The following GGT7 variants were observed in gnomAD, a reference collection of about 807,000 sequenced individuals.
The protein encoded by GGT7 is gamma-glutamyltransferase 7, also known as glutathione hydrolase 7.
In GGT7, 30 loss-of-function variants were observed where a neutral mutation model predicts 69.2. The observed-to-expected ratio is 0.43, with a 90% confidence interval of 0.32 to 0.59. The LOEUF (loss-of-function observed/expected upper bound fraction) is 0.59. Ranked by LOEUF, GGT7 falls within the 20% of genes least tolerant of loss-of-function variation. The pLI is 0.05. For synonymous variants in GGT7, 388 were observed against 391.8 expected (o/e 0.99, Z 0.12); for missense variants, 733 against 901.1 (o/e 0.81, Z 2.39).
chr20:34,863,564 C>A lies in GGT7; in HGVS notation c.170-16G>T. ...GAGTCCGGGTCTGCGGGCAGGCAGC[C>A]GGGGTCGGTCTGGGCATCTCCTATC... is the stretch of plus-strand genomic sequence containing the variant. On this transcript the variant is annotated splice_polypyrimidine_tract_variant and intron_variant, in intron 1 of 14. Coordinates refer to ENST00000336431, the MANE Select transcript of GGT7 (RefSeq NM_178026.3). The surrounding 1 kb of genome is among the most constrained non-coding windows in gnomAD (Gnocchi z 4.4). The A allele has an allele frequency of 6.5e-7, 1 of 1,532,182 alleles. No homozygotes were observed. Among genetic ancestry groups the A allele is most frequent in the Non-Finnish European group, 8.9e-7 (1 of 1,129,822 alleles). The allele number at this position is 1,532,182 out of a possible 1,614,324, so 94.9% of individuals were successfully genotyped here. A position where few individuals can be genotyped will look rare whatever the true frequency, so the allele number is the denominator to read the frequency against.
In GGT7 at chr20:34,849,970, G is replaced by A; in HGVS notation, c.1816C>T (p.Gln606Ter). The part of the protein sequence containing the change: ...LHPDLQSNLL[Q>*]VDSEFTEEEI... Reference sequence around the variant, plus strand: ...TCTGCTCTGCACTCACTGTCCACCTGCAGGAGGTTGGACTGCAGGTCCGGG... The same window carrying A: ...TCTGCTCTGCACTCACTGTCCACCTACAGGAGGTTGGACTGCAGGTCCGGG... Residue 606 changes from glutamine (Q) to a stop codon, truncating the protein, a stop_gained, in exon 14 of 15, where the codon CAG (glutamine) becomes TAG (stop). Coordinates refer to ENST00000336431, the MANE Select transcript of GGT7 (RefSeq NM_178026.3). LOFTEE classifies it high-confidence loss of function. 2 of 1,605,318 alleles carry A rather than the reference G, an allele frequency of 1.2e-6. No individual in the cohort carries two copies. The highest frequency in any genetic ancestry group is 1.1e-5 in the South Asian group (1 of 90,900).
chr20:34,845,470 A>G lies in GGT7; in HGVS notation c.1847T>C (p.Ile616Thr), dbSNP rs754986901. The G allele has an allele frequency of 6.8e-6, 11 of 1,613,894 alleles. No homozygotes were observed. The highest frequency in any genetic ancestry group is 6.6e-5 in the South Asian group (6 of 91,050). Residue 616 changes from isoleucine to threonine, a missense_variant, in exon 15 of 15, where the codon ATT (isoleucine) becomes ACT (threonine). Transcript: ENST00000336431. ...QVDSEFTEEE[I>T]EFLEARGHHV... ...GTGACCCCTGGCTTCCAGGAACTCA[A>G]TCTCTTCCTCTGTGAACTCACCTGA...
chr20:34,865,281 C>T (rs1163317197), intron 1 of GGT7, among the ~76,000 whole-genome samples: 2 of 152,176 alleles, frequency 1.3e-5, no homozygotes, highest in African/African-American at 2.4e-5. Context: ...GCCTCCCAGG[C>T]TCAAGCCATC....
intron 14 of GGT7, among the ~76,000 whole-genome samples, chr20:34,847,903 C>T (rs545143571): frequency 6.6e-6 from 1 of 152,226 alleles, no homozygotes; most frequent in Non-Finnish European, 1.5e-5. Context: ...ACTAGCCTGG[C>T]CAGCATGGTG....
In GGT7 at chr20:34,845,101, G is replaced by A. The variant is rs934963913; in HGVS notation, c.*227C>T. ...GTCCTGCCTGCCTGGCTGTACTGTA[G>A]ATGCTGACACTCACCACCACCACCA... On this transcript the variant is annotated 3_prime_UTR_variant, in exon 15 of 15. Transcript: ENST00000336431. 1 of 538,702 alleles carries A rather than the reference G, an allele frequency of 1.9e-6. No individual in the cohort carries two copies. Among genetic ancestry groups the A allele is most frequent in the African/African-American group, 1.9e-5 (1 of 51,428 alleles). 33.4% of individuals were successfully genotyped at this position (538,702 alleles called of 1,614,324 possible).
At chr20:34,862,583 TAA>T (rs113536080) in intron 3 of GGT7, among the ~76,000 whole-genome samples, 53 of 126,714 alleles carry the variant, frequency 4.2e-4, no homozygotes, top group Admixed American at 5.6e-4. Context: ...TTTTTCTAGT[TAA>T]AAAAAAAAAA....
At chr20:34,860,637 C>CTTTTTTGTTTTT (rs2079577391) in intron 4 of GGT7, among the ~76,000 whole-genome samples, 2 of 113,890 alleles carry the variant, frequency 1.8e-5, no homozygotes, top group African/African-American at 6.5e-5. Flanking sequence ...CAACCCCTGC[C>CTTTTTTGTTTTT]TTTTTTTTTT....
chr20:34,860,430 G>C, intron 4 of GGT7, 109 bp from the exon 5 acceptor site: 1 of 825,622 alleles, frequency 1.2e-6, no homozygotes, highest in Non-Finnish European at 2.1e-6. Flanking sequence ...ACAGGGGAGA[G>C]ACACAGGCCA....
chr20:34,851,238 A>T lies in GGT7; in HGVS notation c.1718T>A (p.Leu573Gln). 1 of 1,613,368 alleles carries T rather than the reference A, an allele frequency of 6.2e-7. No homozygotes were observed. The highest frequency in any genetic ancestry group is 8.5e-7 in the Non-Finnish European group (1 of 1,179,964). The change falls in exon 13 of 15, where the codon CTG (leucine) becomes CAG (glutamine). Residue 573 changes from leucine to glutamine, a missense_variant. By Grantham distance (113) the Leu-to-Gln change is moderately radical. Transcript: ENST00000336431. ...ANGAARGLSG[L>Q]TQVLLNVLTL... ...CCATGGCGTAAACCTCACCTGTGTC[A>T]GGCCGCTGAGGCCCCGCGCAGCTCC...
chr20:34,860,553 T>C (rs2079575556), intron 4 of GGT7, among the ~76,000 whole-genome samples: 1 of 151,610 alleles, frequency 6.6e-6, no homozygotes, highest in African/African-American at 2.4e-5. Flanking sequence ...GGGGGATTTA[T>C]AAATTAAGCA....
Position 34,862,807 on chromosome 20 carries a change from T to C in GGT7, c.557+7A>G, listed in dbSNP as rs746341747. 6.2e-7 allele frequency: 1 copy of C among 1,613,698 alleles called. No homozygotes were observed. The highest frequency in any genetic ancestry group is 8.5e-7 in the Non-Finnish European group (1 of 1,179,904). ...CCTGGGGGACCCCGACCTCCACTGC[T>C]CCTTACCCGCCCAGGCCAGAACTGT... On this transcript the variant is annotated splice_region_variant and intron_variant, in intron 3 of 14. Transcript: ENST00000336431.
At chr20:34,854,391 G>T in intron 10 of GGT7, 140 bp downstream of exon 10, 1 of 612,110 alleles carries the variant, frequency 1.6e-6, no homozygotes, top group Non-Finnish European at 2.9e-6. Flanking sequence ...GAGGCACCCA[G>T]TGTCACGTTG....
At position 34,844,998 on chromosome 20, in the gene GGT7, A is replaced by C. The variant is rs1288053594; in HGVS notation, c.*330T>G. 3.2e-6 allele frequency: 1 copy of C among 313,546 alleles called. No individual in the cohort carries two copies. Among genetic ancestry groups the C allele is most frequent in the African/African-American group, 2.1e-5 (1 of 47,026 alleles). 19.4% of individuals were successfully genotyped at this position (313,546 alleles called of 1,614,324 possible). A position where few individuals can be genotyped will look rare whatever the true frequency, so the allele number is the denominator to read the frequency against. ...TGTGAGACCCTTGAGAAGGGTTTGC[A>C]AGCACATCCCTAAGCTCGGGGCCAG... On this transcript the variant is annotated 3_prime_UTR_variant, in exon 15 of 15. Transcript: ENST00000336431.
chr20:34,856,873 G>T lies in GGT7; in HGVS notation c.1035C>A (p.Val345=). 1 of 1,609,404 alleles carries T rather than the reference G, an allele frequency of 6.2e-7. No individual in the cohort carries two copies. Among genetic ancestry groups the T allele is most frequent in the Non-Finnish European group, 8.5e-7 (1 of 1,175,938 alleles). The change falls in exon 8 of 15, where the codon GTC becomes GTA. Residue 345 remains valine, a synonymous_variant. Transcript: ENST00000336431. The stretch of plus-strand genomic sequence containing the variant: ...AATTGCTGAAGTCCTCTTCGGTTAT[G>T]ACACCCCCTGCGTGCTGAGCCTGGA... ...MVAEAQHAGG[V]ITEEDFSNYS...
chr20:34,858,290 G>GAGAGAA (rs1182947015), intron 7 of GGT7, among the ~76,000 whole-genome samples: 2 of 152,204 alleles, frequency 1.3e-5, no homozygotes, highest in South Asian at 4.1e-4. Flanking sequence ...AGTTGAGAGA[G>GAGAGAA]AGAGAAAGAG....
chr20:34,872,769 T>C lies in GGT7; in HGVS notation c.47A>G (p.Tyr16Cys), dbSNP rs774613710. 1 of 1,441,844 alleles carries C rather than the reference T, an allele frequency of 6.9e-7. No individual in the cohort carries two copies. The highest frequency in any genetic ancestry group is 9.1e-7 in the Non-Finnish European group (1 of 1,093,598). 89.3% of individuals were successfully genotyped at this position (1,441,844 alleles called of 1,614,324 possible). A position where few individuals can be genotyped will look rare whatever the true frequency, so the allele number is the denominator to read the frequency against. The change falls in exon 1 of 15, where the codon TAC (tyrosine) becomes TGC (cysteine). Residue 16 changes from tyrosine to cysteine, a missense_variant. Tyr to Cys is a radical substitution (Grantham distance 194). Coordinates refer to ENST00000336431, the MANE Select transcript of GGT7 (RefSeq NM_178026.3). ...GATGCTCATGTAGTCCACTGGCGAG[T>C]AGGCGCCCAGGGCGCTCTCCTGGCT... ...EASQESALGA[Y>C]SPVDYMSITS...
chr20:34,866,197 C>T (rs1462352067), intron 1 of GGT7, among the ~76,000 whole-genome samples: 1 of 152,128 alleles, frequency 6.6e-6, no homozygotes, highest in Non-Finnish European at 1.5e-5. Context: ...AGAAGTTACT[C>T]TTGGGAAAGG....
chr20:34,844,787 C>G lies in GGT7; in HGVS notation c.*541G>C, dbSNP rs2079272239. The G allele has an allele frequency of 1.3e-5, 2 of 153,458 alleles. No homozygotes were observed. Among genetic ancestry groups the G allele is most frequent in the African/African-American group, 4.8e-5 (2 of 41,340 alleles). The allele number at this position is 153,458 out of a possible 1,614,324, so 9.5% of individuals were successfully genotyped here. On this transcript the variant is annotated 3_prime_UTR_variant, in exon 15 of 15. Coordinates refer to ENST00000336431, the MANE Select transcript of GGT7 (RefSeq NM_178026.3). ...CCCCTGAGCTGGTGCCCACCCCCACCCCTACCCCATACCCTGGGGACCCCC... is the reference window on the plus strand; with the variant it reads ...CCCCTGAGCTGGTGCCCACCCCCACGCCTACCCCATACCCTGGGGACCCCC...
chr20:34,872,502 T>A (rs1601253004), intron 1 of GGT7, 145 bp downstream of exon 1: 1 of 580,888 alleles, frequency 1.7e-6, no homozygotes, highest in East Asian at 3.5e-5. Context: ...ACCAAATAAT[T>A]AACAGAGACA....
Sources: gnomAD v4.1 joint callset for allele counts (sites outside exome capture counted in the v4.1 genomes callset) on GRCh38, gnomAD v4.1.1 for gene constraint, Gnocchi (gnomAD v3.1) non-coding constraint, MANE v1.5 for transcripts, NCBI Gene and HGNC (gene_info 2026-07-23, HGNC 2026-07-21) for gene names.